Variants in GALNT9 observed in about 807,000 individuals in gnomAD.
GALNT9 encodes the protein polypeptide N-acetylgalactosaminyltransferase 9.
A neutral mutation model predicts 63.1 loss-of-function variants in GALNT9; 47 were observed. The observed-to-expected ratio is 0.75, with a 90% CI of 0.59 to 0.95. The LOEUF (loss-of-function observed/expected upper bound fraction) is 0.95. Among genes scored for constraint, GALNT9 ranks in the 40% least tolerant of loss-of-function variants. The probability of loss-of-function intolerance (pLI) is 0.00; values close to 1 mark genes in which losing one functional copy is unlikely to be tolerated. For missense variants in GALNT9, 829 were observed against 874.8 expected, an observed-to-expected ratio of 0.95 and a Z score of 0.66; for synonymous variants, 396 against 365.7, an observed-to-expected ratio of 1.08 and a Z score of -0.94.
rs1374491603 is a variant in GALNT9 at position 132,296,109 on chromosome 12, C to T, written c.239-9679G>A. Reference sequence around the variant, plus strand: ...CCTCCGAACAGGGAGAGCCTCCGAACAGGGAGAGCCTCTGAACAGGGAGAG... The same window carrying T: ...CCTCCGAACAGGGAGAGCCTCCGAATAGGGAGAGCCTCTGAACAGGGAGAG... On this transcript the variant is annotated intron_variant, in intron 1 of 10. Transcript: ENST00000328957. The surrounding 1 kb of genome is among the most constrained non-coding windows in gnomAD (Gnocchi z 4.2). Among the ~76,000 whole-genome samples the T allele has an allele frequency of 6.6e-6, 1 of 150,434 alleles. No individual in the cohort carries two copies. Among genetic ancestry groups the T allele is most frequent in the African/African-American group, 2.5e-5 (1 of 40,620 alleles).
intron 5 of GALNT9, among the ~76,000 whole-genome samples, chr12:132,251,230 T>C (rs1482042364): frequency 6.6e-6 from 1 of 152,228 alleles, no homozygotes; most frequent in Non-Finnish European, 1.5e-5. Context: ...TTTCGATCGA[T>C]ACAATTTTAA....
At chr12:132,328,939 C>T in intron 1 of GALNT9, 27 bp downstream of exon 1, 1 of 1,495,822 alleles carries the variant, frequency 6.7e-7, no homozygotes, top group South Asian at 1.3e-5. Context: ...AGGGCTGCCC[C>T]CACTCCGCCC....
chr12:132,260,965 G>C lies in GALNT9; in HGVS notation c.744C>G (p.Val248=). The C allele has an allele frequency of 6.5e-7, 1 of 1,546,622 alleles. No individual in the cohort carries two copies. Among genetic ancestry groups the C allele is most frequent in the Non-Finnish European group, 8.7e-7 (1 of 1,145,556 alleles). ...APVVGFFDAH[V]EFNTGWAEPA... ...GCCCTTACCAGCCCGTGTTGAACTC[G>C]ACGTGGGCATCAAAGAAGCCGACGA... The change falls in exon 4 of 11, where the codon GTC becomes GTG. Residue 248 remains valine (V), a synonymous_variant. Coordinates refer to ENST00000328957, the MANE Select transcript of GALNT9 (RefSeq NM_001122636.2).
chr12:132,291,436 G>C (rs1406093767), intron 1 of GALNT9, among the ~76,000 whole-genome samples: 5 of 113,326 alleles, frequency 4.4e-5, no homozygotes, highest in Non-Finnish European at 9.0e-5. Flanking sequence ...CACAACCACA[G>C]CGCCCACGTC....
At chr12:132,226,327 C>T (rs894411896) in intron 6 of GALNT9, among the ~76,000 whole-genome samples, 5 of 149,878 alleles carry the variant, frequency 3.3e-5, no homozygotes, top group African/African-American at 9.9e-5. Flanking sequence ...ACTGTACATA[C>T]ACCTCACACA....
In GALNT9 at chr12:132,268,229, T is replaced by C. The variant is rs559646873; in HGVS notation, c.420-5604A>G. ...CACCCATACACACATTCACACACAC[T>C]CATACCCACACATACACTCACACAT... On this transcript the variant is annotated intron_variant, in intron 2 of 10. Transcript: ENST00000328957. 1.5e-3 allele frequency among the ~76,000 whole-genome samples: 221 copies of C among 150,324 alleles called. 1 individual carries two copies. Among genetic ancestry groups the C allele is most frequent in the African/African-American group, 5.2e-3 (214 of 40,890 alleles).
intron 2 of GALNT9, chr12:132,284,597 T>C (rs184238678): frequency 5.3e-5 from 8 of 152,350 alleles, no homozygotes; most frequent in African/African-American, 2.4e-5. Context: ...AATAAAATAA[T>C]GTTGTCACAC....
rs549182961 is a variant in GALNT9 at position 132,289,266 on chromosome 12, G to T, written c.239-2836C>A. On this transcript the variant is annotated intron_variant, in intron 1 of 10. Transcript: ENST00000328957. The stretch of plus-strand genomic sequence containing the variant: ...CCTGCCTCCCAACGCTTCATTCTCC[G>T]TTTTCATTCTCTTGGTTTTCATCTC... Among the ~76,000 whole-genome samples, 15 of 152,240 alleles carry T rather than the reference G, an allele frequency of 9.9e-5. No individual in the cohort carries two copies. In the East Asian group the frequency reaches 2.9e-3, roughly 29 times the overall value.
intron 6 of GALNT9, among the ~76,000 whole-genome samples, chr12:132,227,965 G>A (rs1877759028): frequency 1.3e-5 from 2 of 152,278 alleles, no homozygotes; most frequent in Non-Finnish European, 2.9e-5. Flanking sequence ...AGGCCTGGTT[G>A]ACCTGCTGAG....
chr12:132,288,900 T>C (rs138835905), intron 1 of GALNT9, among the ~76,000 whole-genome samples: 3,451 of 136,040 alleles, frequency 0.025, 48 homozygotes, highest in Middle Eastern at 0.11. Context: ...GACGGCTGCC[T>C]GATGCCCAGC....
intron 8 of GALNT9, 66 bp from the exon 9 acceptor site, chr12:132,199,335 G>T: frequency 1.7e-6 from 2 of 1,158,738 alleles, no homozygotes; most frequent in Non-Finnish European, 1.3e-6. Flanking sequence ...GGAGCTTCAC[G>T]CAGCCAGCTC....
chr12:132,266,689 TG>T (rs1879611758), intron 2 of GALNT9, among the ~76,000 whole-genome samples: 1 of 152,146 alleles, frequency 6.6e-6, no homozygotes, highest in African/African-American at 2.4e-5. Flanking sequence ...GCATTCACAT[TG>T]TTGGAAGCCA....
chr12:132,247,479 C>T (rs967741041), intron 6 of GALNT9: 6 of 393,680 alleles, frequency 1.5e-5, no homozygotes, highest in South Asian at 3.8e-5. Flanking sequence ...GAGCCTTGGC[C>T]GCCCAGCTTG....
intron 1 of GALNT9, among the ~76,000 whole-genome samples, chr12:132,322,967 C>A (rs1386441769): frequency 6.6e-6 from 1 of 152,222 alleles, no homozygotes; most frequent in South Asian, 2.1e-4. Flanking sequence ...GGGGCACTTC[C>A]TCGGGCTCGA....
At chr12:132,323,591 G>T (rs1555246292) in intron 1 of GALNT9, among the ~76,000 whole-genome samples, 1 of 152,202 alleles carries the variant, frequency 6.6e-6, no homozygotes, top group Admixed American at 6.5e-5. Context: ...GGAAGAGAAC[G>T]CACAACCAAA....
At chr12:132,244,978 G>A (rs1346992691) in intron 6 of GALNT9, among the ~76,000 whole-genome samples, 3 of 151,600 alleles carry the variant, frequency 2.0e-5, no homozygotes, top group African/African-American at 4.9e-5. Context: ...ACGGGAGAGA[G>A]GTCAGGGGGA....
chr12:132,197,547 C>CCTCATCCCCTTCCTAAATCCTCCCTCT (rs1565978969), intron 10 of GALNT9, among the ~76,000 whole-genome samples: 2 of 152,216 alleles, frequency 1.3e-5, no homozygotes, highest in African/African-American at 4.8e-5. Flanking sequence ...GAGGCAGATG[C>CCTCATCCCCTTCCTAAATCCTCCCTCT]AGGGCTATGA....
intron 6 of GALNT9, 61 bp from the exon 7 acceptor site, chr12:132,203,751 G>GCTAGGGGCCCGTGAGAGGC (rs1876404938): frequency 1.3e-6 from 2 of 1,554,660 alleles, no homozygotes; most frequent in African/African-American, 2.7e-5. Context: ...AGCCCGGCCA[G>GCTAGGGGCCCGTGAGAGGC]CTAGGGGCCC....
intron 6 of GALNT9, among the ~76,000 whole-genome samples, chr12:132,241,087 C>CA (rs1207547818): frequency 7.4e-5 from 4 of 53,968 alleles, no homozygotes; most frequent in African/African-American, 2.7e-4. Flanking sequence ...ACACCCTTCC[C>CA]GGGGCCCTCC....
Sources: gnomAD v4.1 joint callset for allele counts (sites outside exome capture counted in the v4.1 genomes callset) on GRCh38, gnomAD v4.1.1 for gene constraint, Gnocchi (gnomAD v3.1) non-coding constraint, MANE v1.5 for transcripts, NCBI Gene and HGNC (gene_info 2026-07-23, HGNC 2026-07-21) for gene names.